Variants in POTED observed in about 807,000 individuals in gnomAD.
POTED encodes the protein ANKRD26-like family B member 3.
In POTED, 7 loss-of-function variants were observed where a neutral mutation model predicts 19.0. The ratio of observed to expected loss-of-function variants is 0.37; its 90% CI spans 0.21 to 0.69. POTED has a LOEUF of 0.69. Among genes scored for constraint, POTED ranks in the 30% least tolerant of loss-of-function variants. POTED has a pLI of 0.56. For synonymous variants in POTED, 16 were observed against 92.0 expected (o/e 0.17, Z 4.73); for missense variants, 54 against 278.5 (o/e 0.19, Z 5.74).
rs9631201 is a variant in POTED at position 13,611,297 on chromosome 21, A to G, written c.521+548A>G. On this transcript the variant is annotated intron_variant, in intron 1 of 10. Transcript: ENST00000299443. ...CTTTTTCTGTGTTTATCACTTTTACATAAGCCAAATAAAAATAGCAAAGTC... is the reference window on the plus strand; with the variant it reads ...CTTTTTCTGTGTTTATCACTTTTACGTAAGCCAAATAAAAATAGCAAAGTC... 5.0e-5 allele frequency among the ~76,000 whole-genome samples: 4 copies of G among 80,642 alleles called. 1 individual carries two copies. The highest frequency in any genetic ancestry group is 1.9e-4 in the African/African-American group (2 of 10,336). 52.9% of individuals were successfully genotyped at this position (80,642 alleles called of 152,430 possible).
At chr21:13,637,004 A>ATATATATATTTT (rs1481200854) in intron 9 of POTED, among the ~76,000 whole-genome samples, 3 of 16,470 alleles carry the variant, frequency 1.8e-4, no homozygotes, top group Non-Finnish European at 2.9e-4. Context: ...ATATATATAT[A>ATATATATATTTT]TTTTTTTTTT....
In POTED at chr21:13,610,777, A is replaced by G. The variant is rs9977868; in HGVS notation, c.521+28A>G. Reference sequence around the variant, plus strand: ...AACCGGGCCTGGGATGGGAGGAGGCAGGACATGGGGGGATGATGGGGACAT... The same window carrying G: ...AACCGGGCCTGGGATGGGAGGAGGCGGGACATGGGGGGATGATGGGGACAT... On this transcript the variant is annotated intron_variant, in intron 1 of 10. Coordinates refer to ENST00000299443, the MANE Select transcript of POTED (RefSeq NM_174981.6). 128 of 1,073,050 alleles carry G rather than the reference A, an allele frequency of 1.2e-4. 45 individuals are homozygous for G. The highest frequency in any genetic ancestry group is 1.3e-4 in the Non-Finnish European group (104 of 830,320). The allele number at this position is 1,073,050 out of a possible 1,614,324, so 66.5% of individuals were successfully genotyped here. A position where few individuals can be genotyped will look rare whatever the true frequency, so the allele number is the denominator to read the frequency against.
At chr21:13,613,204 G>C (rs1311953914) in intron 1 of POTED, among the ~76,000 whole-genome samples, 1 of 65,646 alleles carries the variant, frequency 1.5e-5, no homozygotes, top group Non-Finnish European at 2.6e-5. Flanking sequence ...TACCTCTTCT[G>C]GTAGATTTTA....
In POTED at chr21:13,610,768, G is replaced by A. The variant is rs1221283806; in HGVS notation, c.521+19G>A. The stretch of plus-strand genomic sequence containing the variant: ...AAAAGAGGTAACCGGGCCTGGGATG[G>A]GAGGAGGCAGGACATGGGGGGATGA... On this transcript the variant is annotated intron_variant, in intron 1 of 10. Coordinates refer to ENST00000299443, the MANE Select transcript of POTED (RefSeq NM_174981.6). 2 of 1,073,428 alleles carry A rather than the reference G, an allele frequency of 1.9e-6. 1 individual carries two copies. The highest frequency in any genetic ancestry group is 4.8e-5 in the Admixed American group (2 of 41,512). The allele number at this position is 1,073,428 out of a possible 1,614,324, so 66.5% of individuals were successfully genotyped here.
At chr21:13,626,861 G>A (rs2011188343) in intron 6 of POTED, among the ~76,000 whole-genome samples, 1 of 13,664 alleles carries the variant, frequency 7.3e-5, no homozygotes, top group Non-Finnish European at 1.3e-4. Context: ...TCCCTGACAG[G>A]CTTTATTTTC....
chr21:13,611,372 A>AT lies in POTED; in HGVS notation c.521+631dup, dbSNP rs1162379150. 8.7e-5 allele frequency among the ~76,000 whole-genome samples: 7 copies of AT among 80,024 alleles called. 3 individuals are homozygous for AT. Among genetic ancestry groups the AT allele is most frequent in the Non-Finnish European group, 1.3e-4 (6 of 45,764 alleles). 52.5% of individuals were successfully genotyped at this position (80,024 alleles called of 152,430 possible). ...TGTATTTTATCATTGTGATAAATTG[A>AT]TTTTTTTTAACAGAATGGAAAAAGA... On this transcript the variant is annotated intron_variant, in intron 1 of 10. Coordinates refer to ENST00000299443, the MANE Select transcript of POTED (RefSeq NM_174981.6).
rs77273826 is a variant in POTED, at chr21:13,637,198, C to A, written c.1410-2317C>A. 2.8e-5 allele frequency among the ~76,000 whole-genome samples: 2 copies of A among 72,046 alleles called. 1 individual carries two copies. Among genetic ancestry groups the A allele is most frequent in the Non-Finnish European group, 4.7e-5 (2 of 42,668 alleles). 47.3% of individuals were successfully genotyped at this position (72,046 alleles called of 152,430 possible). On this transcript the variant is annotated intron_variant, in intron 9 of 10. Transcript: ENST00000299443. Reference sequence around the variant, plus strand: ...AATGGTAAGATCTACTTTAAAAGAACTCTCCATAATGTTTTCCATAGATTT... The same window carrying A: ...AATGGTAAGATCTACTTTAAAAGAAATCTCCATAATGTTTTCCATAGATTT...
At chr21:13,637,338 T>C (rs2011242329) in intron 9 of POTED, among the ~76,000 whole-genome samples, 1 of 69,412 alleles carries the variant, frequency 1.4e-5, no homozygotes, top group Non-Finnish European at 2.4e-5. Context: ...TGAGGTGATA[T>C]CTCACTGTTG....
Position 13,610,047 on chromosome 21 carries a change from G to C in POTED, c.-182G>C. ...TGGTGGGCGTGGGCTTTCCCCGGGT[G>C]GGTGTGGGTTTTCCCTGGGTGGGGT... On this transcript the variant is annotated 5_prime_UTR_variant, in exon 1 of 11. Transcript: ENST00000299443. 1 of 266,972 alleles carries C rather than the reference G, an allele frequency of 3.7e-6. No homozygotes were observed. Among genetic ancestry groups the C allele is most frequent in the South Asian group, 3.6e-5 (1 of 28,032 alleles). The allele number at this position is 266,972 out of a possible 1,614,324, so 16.5% of individuals were successfully genotyped here.
chr21:13,624,138 A>ATTATT (rs1316592904), intron 6 of POTED, among the ~76,000 whole-genome samples: 1 of 69,678 alleles, frequency 1.4e-5, no homozygotes, highest in Non-Finnish European at 2.5e-5. Context: ...TGTCATTTTT[A>ATTATT]TTATTTTACT....
rs1417682303 is a variant in POTED at position 13,645,030 on chromosome 21, G to A, written c.*3464G>A. ...AAACTGGCTTTCTGAAATAAAACAG[G>A]CAAACAAGAATGGGGGAAAAAAGAA... On this transcript the variant is annotated 3_prime_UTR_variant, in exon 11 of 11. Coordinates refer to ENST00000299443, the MANE Select transcript of POTED (RefSeq NM_174981.6). 2.4e-5 allele frequency among the ~76,000 whole-genome samples: 2 copies of A among 83,732 alleles called. No homozygotes were observed. Among genetic ancestry groups the A allele is most frequent in the Non-Finnish European group, 4.3e-5 (2 of 46,478 alleles). The allele number at this position is 83,732 out of a possible 152,430, so 54.9% of individuals were successfully genotyped here.
In POTED at chr21:13,637,707, C is replaced by G. The variant is rs1312689919; in HGVS notation, c.1410-1808C>G. Among the ~76,000 whole-genome samples the G allele has an allele frequency of 6.5e-5, 5 of 77,140 alleles. 1 individual carries two copies. The highest frequency in any genetic ancestry group is 1.1e-4 in the Non-Finnish European group (5 of 44,226). The allele number at this position is 77,140 out of a possible 152,430, so 50.6% of individuals were successfully genotyped here. ...CAGGGTCCTCATCATAAATTATTTGCCTAGGCTGATGTCTTCAGGTCTTAG... is the reference window on the plus strand; with the variant it reads ...CAGGGTCCTCATCATAAATTATTTGGCTAGGCTGATGTCTTCAGGTCTTAG... On this transcript the variant is annotated intron_variant, in intron 9 of 10. Transcript: ENST00000299443.
rs1460663085 is a variant in POTED at position 13,619,434 on chromosome 21, A to C, written c.918-724A>C. On this transcript the variant is annotated intron_variant, in intron 4 of 10. Coordinates refer to ENST00000299443, the MANE Select transcript of POTED (RefSeq NM_174981.6). ...TAAAGTATAATAAAAAATAAAAATA[A>C]AAAACAAAACAAAAACAAAACAAAA... Among the ~76,000 whole-genome samples the C allele has an allele frequency of 1.4e-4, 11 of 79,682 alleles. 5 individuals carry two copies. The highest frequency in any genetic ancestry group is 1.8e-4 in the African/African-American group (2 of 11,362). 52.3% of individuals were successfully genotyped at this position (79,682 alleles called of 152,430 possible).
At position 13,619,553 on chromosome 21, in the gene POTED, G is replaced by A. The variant is rs773058239; in HGVS notation, c.918-605G>A. 2.7e-4 allele frequency among the ~76,000 whole-genome samples: 11 copies of A among 41,464 alleles called. 1 individual carries two copies. The highest frequency in any genetic ancestry group is 2.2e-3 in the East Asian group (1 of 452). 27.2% of individuals were successfully genotyped at this position (41,464 alleles called of 152,430 possible). On this transcript the variant is annotated intron_variant, in intron 4 of 10. Coordinates refer to ENST00000299443, the MANE Select transcript of POTED (RefSeq NM_174981.6). ...TTCCTAACTTTCTTACTTGCTACGC[G>A]TGTGACATTGGGAACGTTATTTACC...
intron 6 of POTED, among the ~76,000 whole-genome samples, chr21:13,626,067 C>T (rs763983137): frequency 2.4e-4 from 3 of 12,622 alleles, no homozygotes; most frequent in Non-Finnish European, 3.3e-4. Context: ...TTTTTGTGTT[C>T]TTCCTTTAAA....
intron 9 of POTED, among the ~76,000 whole-genome samples, chr21:13,631,380 C>A (rs3017206): frequency 5.6e-5 from 4 of 71,254 alleles, no homozygotes; most frequent in Admixed American, 5.1e-4. Flanking sequence ...AGTTCATGTG[C>A]AGGTTTATTA....
Position 13,631,459 on chromosome 21 carries a change from C to T in POTED, c.1409+352C>T, listed in dbSNP as rs1383755763. 3.8e-5 allele frequency among the ~76,000 whole-genome samples: 3 copies of T among 78,594 alleles called. 1 individual carries two copies. Among genetic ancestry groups the T allele is most frequent in the Non-Finnish European group, 6.7e-5 (3 of 45,060 alleles). The allele number at this position is 78,594 out of a possible 152,430, so 51.6% of individuals were successfully genotyped here. ...CATCAGCCACATAATAAGCAAAATA[C>T]TCGAGAGGTAGTTTTTTGGTCATCT... On this transcript the variant is annotated intron_variant, in intron 9 of 10. Transcript: ENST00000299443.
chr21:13,616,138 TTGTG>T (rs61117870), intron 3 of POTED, among the ~76,000 whole-genome samples: 5 of 84,970 alleles, frequency 5.9e-5, no homozygotes, highest in Admixed American at 1.2e-4. Flanking sequence ...CATGAAGAGG[TTGTG>T]TGTGTGTGTG....
intron 3 of POTED, among the ~76,000 whole-genome samples, chr21:13,616,138 T>TTGTGTG (rs61117870): frequency 0.14 from 11,646 of 84,954 alleles, 3,087 homozygotes; most frequent in East Asian, 0.61. Context: ...CATGAAGAGG[T>TTGTGTG]TGTGTGTGTG....
Sources: allele counts gnomAD v4.1 joint callset (sites outside exome capture counted in the v4.1 genomes callset), GRCh38; gene constraint gnomAD v4.1.1; transcripts MANE v1.5; gene names NCBI Gene and HGNC (gene_info 2026-07-23, HGNC 2026-07-21).